Variants in CRISP1 observed in about 807,000 individuals in gnomAD.
CRISP1 encodes cysteine rich secretory protein 1.
Under a neutral mutation model 33.1 loss-of-function variants are expected in CRISP1, and 44 were observed. The observed-to-expected ratio is 1.33, with a 90% CI of 1.05 to 1.71. The LOEUF is 1.71. Among genes scored for constraint, CRISP1 ranks in the 40% most tolerant of loss-of-function variants. The pLI, the probability that CRISP1 is intolerant of heterozygous loss-of-function variation, is 0.00. For synonymous variants in CRISP1, 103 were observed against 98.7 expected (o/e 1.04, Z -0.26); for missense variants, 390 against 301.2 (o/e 1.29, Z -2.18).
In CRISP1 at chr6:49,848,193, A is replaced by G. The variant is rs62404905; in HGVS notation, c.286+16T>C. On this transcript the variant is annotated intron_variant, in intron 4 of 7. Transcript: ENST00000335847. ...TTTTTTTAGTCCAAAGGCGGGTCATATAGATACACACTTACTTGGAAGTCT... is the reference window on the plus strand; with the variant it reads ...TTTTTTTAGTCCAAAGGCGGGTCATGTAGATACACACTTACTTGGAAGTCT... The G allele has an allele frequency of 0.12, 180,198 of 1,454,118 alleles. 13,302 individuals carry two copies. The highest frequency in any genetic ancestry group is 0.15 in the Non-Finnish European group (155,245 of 1,063,832). The allele number at this position is 1,454,118 out of a possible 1,614,324, so 90.1% of individuals were successfully genotyped here.
chr6:49,847,207 C>T (rs62404904), intron 4 of CRISP1, among the ~76,000 whole-genome samples: 14,738 of 152,092 alleles, frequency 0.097, 998 homozygotes, highest in Non-Finnish European at 0.15. Flanking sequence ...AAATGTGAAT[C>T]AGCATTTTTA....
upstream of CRISP1, chr6:49,866,629 G>A (rs759464801): frequency 4.6e-5 from 7 of 152,110 alleles, no homozygotes; most frequent in East Asian, 1.9e-4. Context: ...CAAATCTAGA[G>A]TCTGTGAAGA....
At position 49,835,428 on chromosome 6, in the gene CRISP1, T is replaced by A. The variant is rs1770755311; in HGVS notation, c.638A>T (p.Tyr213Phe). 6.2e-7 allele frequency: 1 copy of A among 1,613,678 alleles called. No homozygotes were observed. The highest frequency in any genetic ancestry group is 8.5e-7 in the Non-Finnish European group (1 of 1,179,680). The change falls in exon 8 of 8, where the codon TAC (tyrosine) becomes TTC (phenylalanine). Residue 213 changes from tyrosine to phenylalanine, a missense_variant. Coordinates refer to ENST00000335847, the MANE Select transcript of CRISP1 (RefSeq NM_001131.3). ...EDKLCTNPCI[Y>F]YDEYFDCDIQ... ...GTCACAGTCGAAGTATTCATCATAGTAGATGCAGGGGTTAGCTGAAAGAAA... is the reference window on the plus strand; with the variant it reads ...GTCACAGTCGAAGTATTCATCATAGAAGATGCAGGGGTTAGCTGAAAGAAA...
upstream of CRISP1, among the ~76,000 whole-genome samples, chr6:49,871,060 G>A (rs186901704): frequency 2.3e-3 from 342 of 151,110 alleles, 1 homozygote; most frequent in Middle Eastern, 3.4e-3. Flanking sequence ...GAGAGATCGC[G>A]CCATTGCACT....
chr6:49,846,514 G>T lies in CRISP1; in HGVS notation c.435+6C>A. 2.5e-6 allele frequency: 4 copies of T among 1,611,816 alleles called. No homozygotes were observed. Among genetic ancestry groups the T allele is most frequent in the Non-Finnish European group, 3.4e-6 (4 of 1,178,868 alleles). On this transcript the variant is annotated splice_donor_region_variant and intron_variant, in intron 5 of 7. Transcript: ENST00000335847. The stretch of plus-strand genomic sequence containing the variant: ...CAATGTGTGTGTTTGCCAGCACACA[G>T]GTTACCTGAGTGTAGTGGTCAGTAG...
At chr6:49,857,210 G>A (rs1771519741) in intron 2 of CRISP1, 125 bp downstream of exon 2, 2 of 833,094 alleles carry the variant, frequency 2.4e-6, no homozygotes, top group Admixed American at 2.6e-5. Flanking sequence ...GGGCTATTGT[G>A]AAAACAAAGT....
At chr6:49,852,849 T>C (rs1264270383) in intron 2 of CRISP1, among the ~76,000 whole-genome samples, 2 of 47,720 alleles carry the variant, frequency 4.2e-5, no homozygotes, top group Non-Finnish European at 8.6e-5. Context: ...AGAATCTTTG[T>C]GTGTGTGTGT....
chr6:49,840,875 T>G (rs775652626), intron 6 of CRISP1, 23 bp downstream of exon 6: 3 of 1,577,714 alleles, frequency 1.9e-6, no homozygotes, highest in East Asian at 4.5e-5. Context: ...GGGATATATA[T>G]TTTAAAAACT....
At chr6:49,847,329 G>T (rs760864117) in intron 4 of CRISP1, among the ~76,000 whole-genome samples, 14 of 152,154 alleles carry the variant, frequency 9.2e-5, no homozygotes, top group African/African-American at 3.4e-4. Flanking sequence ...TGTAATCCCC[G>T]TGTTGAAGGT....
In CRISP1 at chr6:49,837,896, G is replaced by T. The variant is rs531348788; in HGVS notation, c.622+541C>A. On this transcript the variant is annotated intron_variant, in intron 7 of 7. Transcript: ENST00000335847. ...TTTACCTTAGGTAAGATTTATTCAA[G>T]AAATTAAAAAAAAAAAAGAGGCTTT... 2.4e-4 allele frequency among the ~76,000 whole-genome samples: 33 copies of T among 135,850 alleles called. No homozygotes were observed. In the South Asian group the frequency reaches 7.1e-3, roughly 29 times the overall value. The allele number at this position is 135,850 out of a possible 152,430, so 89.1% of individuals were successfully genotyped here. A position where few individuals can be genotyped will look rare whatever the true frequency, so the allele number is the denominator to read the frequency against.
In CRISP1 at chr6:49,852,052, G is replaced by A; in HGVS notation, c.144C>T (p.His48=). ...PNVQEEIVNI[H]NALRRRVVPP... ...GAACTACTCTTCTCCTGAGGGCGTTGTGTATATTAACGATCTCTTCTTGTA... is the reference window on the plus strand; with the variant it reads ...GAACTACTCTTCTCCTGAGGGCGTTATGTATATTAACGATCTCTTCTTGTA... The change falls in exon 3 of 8, where the codon CAC becomes CAT. Residue 48 remains histidine (H), a synonymous_variant. Transcript: ENST00000335847. 1.2e-6 allele frequency: 2 copies of A among 1,613,136 alleles called. No individual in the cohort carries two copies. The highest frequency in any genetic ancestry group is 1.7e-6 in the Non-Finnish European group (2 of 1,179,468).
chr6:49,835,438 G>A lies in CRISP1; in HGVS notation c.628C>T (p.Pro210Ser), dbSNP rs1400987560. Residue 210 changes from proline to serine, a missense_variant, in exon 8 of 8, where the codon CCC becomes TCC. Pro to Ser is a moderately conservative substitution (Grantham distance 74). Transcript: ENST00000335847. ...AAGTATTCATCATAGTAGATGCAGG[G>A]GTTAGCTGAAAGAAAATAGTATGGT... is the stretch of plus-strand genomic sequence containing the variant. The part of the protein sequence containing the change: ...SNCEDKLCTN[P>S]CIYYDEYFDC... 5 of 1,612,756 alleles carry A rather than the reference G, an allele frequency of 3.1e-6. No homozygotes were observed. In the Admixed American group the frequency reaches 6.7e-5, roughly 22 times the overall value.
At position 49,838,494 on chromosome 6, in the gene CRISP1, A is replaced by C. The variant is rs1402612632; in HGVS notation, c.565T>G (p.Tyr189Asp). The C allele has an allele frequency of 1.2e-6, 2 of 1,613,246 alleles. No individual in the cohort carries two copies. The highest frequency in any genetic ancestry group is 1.3e-5 in the African/African-American group (1 of 74,876). The stretch of plus-strand genomic sequence containing the variant: ...GCTTCACATGGGACGCCTGTCTTAT[A>C]AGGTTCATTCTTTGTTTCAGGATCA... ...GNDPETKNEP[Y>D]KTGVPCEACP... is the part of the protein sequence containing the mutation. Residue 189 changes from tyrosine (Y) to aspartate (D), a missense_variant, in exon 7 of 8, where the codon TAT becomes GAT. Physicochemically the swap from Tyr to Asp is radical, Grantham distance 160 (BLOSUM62 -3). Coordinates refer to ENST00000335847, the MANE Select transcript of CRISP1 (RefSeq NM_001131.3).
intron 5 of CRISP1, among the ~76,000 whole-genome samples, chr6:49,841,229 G>A (rs1373234111): frequency 6.6e-6 from 1 of 152,146 alleles, no homozygotes; most frequent in Non-Finnish European, 1.5e-5. Flanking sequence ...TCAGCTGACG[G>A]GGAGGATGAC....
In CRISP1 at chr6:49,835,361, G is replaced by A; in HGVS notation, c.705C>T (p.Ile235=). Residue 235 remains isoleucine (I), a synonymous_variant, in exon 8 of 8, where the codon ATC becomes ATT. Coordinates refer to ENST00000335847, the MANE Select transcript of CRISP1 (RefSeq NM_001131.3). The part of the protein sequence containing the change: ...HYLGCNHSTT[I]LFCKATCLCD... ...ACAGACAAGTGGCTTTACAGAATAGGATAGTTGTTGAGTGGTTGCATCCCA... is the reference window on the plus strand; with the variant it reads ...ACAGACAAGTGGCTTTACAGAATAGAATAGTTGTTGAGTGGTTGCATCCCA... 2 of 1,613,812 alleles carry A rather than the reference G, an allele frequency of 1.2e-6. No individual in the cohort carries two copies. Among genetic ancestry groups the A allele is most frequent in the Non-Finnish European group, 8.5e-7 (1 of 1,179,810 alleles).
intron 1 of CRISP1, among the ~76,000 whole-genome samples, chr6:49,863,250 C>T (rs1389378610): frequency 6.6e-6 from 1 of 152,154 alleles, no homozygotes; most frequent in Non-Finnish European, 1.5e-5. Flanking sequence ...GACTGAGATA[C>T]TAAGCCCTAG....
At chr6:49,836,341 T>TA (rs1561936988) in intron 7 of CRISP1, among the ~76,000 whole-genome samples, 3 of 115,330 alleles carry the variant, frequency 2.6e-5, no homozygotes, top group African/African-American at 8.7e-5. Flanking sequence ...TTTTATTTTA[T>TA]TTTTTTTTTT....
chr6:49,835,796 C>A (rs764026970), intron 7 of CRISP1, among the ~76,000 whole-genome samples: 5 of 149,792 alleles, frequency 3.3e-5, no homozygotes, highest in Non-Finnish European at 7.5e-5. Context: ...TTATCTAATG[C>A]TGCATTATTT....
At chr6:49,869,293 G>C (rs1771870220), upstream of CRISP1, among the ~76,000 whole-genome samples, 1 of 152,078 alleles carries the variant, frequency 6.6e-6, no homozygotes, top group African/African-American at 2.4e-5. Context: ...AGCCCTAGTT[G>C]CTCTCCAGAT....
Sources: allele counts gnomAD v4.1 joint callset (sites outside exome capture counted in the v4.1 genomes callset), GRCh38; gene constraint gnomAD v4.1.1; transcripts MANE v1.5; gene names NCBI Gene and HGNC (gene_info 2026-07-23, HGNC 2026-07-21).